The following SLC41A2 variants were observed in gnomAD, a reference collection of about 807,000 sequenced individuals.
SLC41A2 encodes the protein SLC41A1-like 1.
In SLC41A2, 32 loss-of-function variants were observed where a neutral mutation model predicts 58.3. The ratio of observed to expected loss-of-function variants is 0.55; its 90% CI spans 0.41 to 0.74. The LOEUF is 0.74. Among genes scored for constraint, SLC41A2 ranks in the 30% least tolerant of loss-of-function variants. The pLI is 0.00. For synonymous variants in SLC41A2, 190 were observed against 235.0 expected (o/e 0.81, Z 1.75); for missense variants, 514 against 680.6 (o/e 0.76, Z 2.72).
intron 10 of SLC41A2, among the ~76,000 whole-genome samples, chr12:104,813,195 T>A (rs1388949120): frequency 1.3e-5 from 2 of 150,280 alleles, no homozygotes; most frequent in Non-Finnish European, 1.5e-5. Flanking sequence ...GAAAAAAAAA[T>A]AAAATAAAAA....
chr12:104,866,411 C>G (rs768588026), intron 7 of SLC41A2, 21 bp downstream of exon 7: 1 of 1,447,410 alleles, frequency 6.9e-7, no homozygotes, highest in Non-Finnish European at 9.3e-7. Context: ...CACACACACA[C>G]ACACATATTT....
At chr12:104,822,595 T>A (rs1288876141) in intron 10 of SLC41A2, among the ~76,000 whole-genome samples, 2 of 152,022 alleles carry the variant, frequency 1.3e-5, no homozygotes, top group African/African-American at 2.4e-5. Context: ...GAAACAAAAC[T>A]CAATAAACTG....
chr12:104,946,113 G>A (rs538635532), intron 1 of SLC41A2, among the ~76,000 whole-genome samples: 13 of 151,870 alleles, frequency 8.6e-5, no homozygotes, highest in Non-Finnish European at 1.9e-4. Context: ...AACATGCTTC[G>A]ACTGCATATT....
chr12:104,908,650 C>G (rs1008756966), intron 3 of SLC41A2, among the ~76,000 whole-genome samples: 1 of 152,188 alleles, frequency 6.6e-6, no homozygotes, highest in Non-Finnish European at 1.5e-5. Flanking sequence ...TCACTAGCTA[C>G]GTGGTTTTAA....
At chr12:104,905,201 C>A (rs1452024535) in intron 3 of SLC41A2, among the ~76,000 whole-genome samples, 1 of 152,160 alleles carries the variant, frequency 6.6e-6, no homozygotes, top group African/African-American at 2.4e-5. Flanking sequence ...GAGCTAAACA[C>A]AGGGTGCTGA....
intron 1 of SLC41A2, among the ~76,000 whole-genome samples, chr12:104,935,454 A>G (rs1342279711): frequency 1.3e-5 from 2 of 152,176 alleles, no homozygotes; most frequent in Non-Finnish European, 2.9e-5. Flanking sequence ...ATATCACATT[A>G]CATATCATAA....
intron 8 of SLC41A2, among the ~76,000 whole-genome samples, chr12:104,856,304 G>C (rs10507183): frequency 0.49 from 74,020 of 151,866 alleles, 18,887 homozygotes; most frequent in Middle Eastern, 0.57. Flanking sequence ...TGGTAGAATT[G>C]CAAAAAGGGT....
chr12:104,808,914 C>G (rs2041049331), intron 10 of SLC41A2, among the ~76,000 whole-genome samples: 1 of 151,998 alleles, frequency 6.6e-6, no homozygotes, highest in African/African-American at 2.4e-5. Flanking sequence ...TTTAAATTTT[C>G]AAACCCCTGA....
At chr12:104,866,745 A>T (rs1447426641) in intron 6 of SLC41A2, among the ~76,000 whole-genome samples, 166 bp from the exon 7 acceptor site, 1 of 152,166 alleles carries the variant, frequency 6.6e-6, no homozygotes, top group Non-Finnish European at 1.5e-5. Context: ...TAAATAAGGT[A>T]AAAATATTAA....
At chr12:104,921,467 A>G (rs911261898) in intron 2 of SLC41A2, among the ~76,000 whole-genome samples, 1 of 151,956 alleles carries the variant, frequency 6.6e-6, no homozygotes, top group African/African-American at 2.4e-5. Context: ...AAGAGGGTGA[A>G]ATAACATTTT....
chr12:104,953,123 A>C (rs2048019106), intron 1 of SLC41A2, among the ~76,000 whole-genome samples: 1 of 152,214 alleles, frequency 6.6e-6, no homozygotes, highest in Admixed American at 6.5e-5. Context: ...ACATTCCATA[A>C]ATATTTAACC....
At chr12:104,956,300 T>G (rs76955814) in intron 1 of SLC41A2, among the ~76,000 whole-genome samples, 1,893 of 152,304 alleles carry the variant, frequency 0.012, 51 homozygotes, top group African/African-American at 0.044. Flanking sequence ...ATCAGATTGG[T>G]TGGATTTTTT....
At chr12:104,920,084 C>T (rs987321532) in intron 2 of SLC41A2, among the ~76,000 whole-genome samples, 1 of 152,200 alleles carries the variant, frequency 6.6e-6, no homozygotes, top group African/African-American at 2.4e-5. Flanking sequence ...TTTGCCTCCA[C>T]TGAATTGCTT....
chr12:104,945,406 A>G (rs1461837308), intron 1 of SLC41A2, among the ~76,000 whole-genome samples: 1 of 151,546 alleles, frequency 6.6e-6, no homozygotes, highest in Non-Finnish European at 1.5e-5. Context: ...AGGCTGAGTC[A>G]GGAGAATGGC....
chr12:104,821,608 A>C (rs1488075996), intron 10 of SLC41A2, among the ~76,000 whole-genome samples: 1 of 152,248 alleles, frequency 6.6e-6, no homozygotes, highest in East Asian at 1.9e-4. Context: ...AAGTCGCTTA[A>C]GCATATATTC....
intron 10 of SLC41A2, among the ~76,000 whole-genome samples, chr12:104,827,887 T>C (rs2136268613): frequency 6.6e-6 from 1 of 152,226 alleles, no homozygotes; most frequent in African/African-American, 2.4e-5. Context: ...GGGAAGGGCA[T>C]GGTTCCTTTA....
At chr12:104,813,979 A>C (rs935588662) in intron 10 of SLC41A2, among the ~76,000 whole-genome samples, 24 of 152,330 alleles carry the variant, frequency 1.6e-4, no homozygotes, top group African/African-American at 4.1e-4. Flanking sequence ...AATGGACTAG[A>C]ATAGAAAGTA....
intron 10 of SLC41A2, among the ~76,000 whole-genome samples, chr12:104,835,315 A>G (rs2042171528): frequency 6.6e-6 from 1 of 152,198 alleles, no homozygotes; most frequent in Non-Finnish European, 1.5e-5. Flanking sequence ...TGGGAGTGGA[A>G]AATAGTTGAA....
chr12:104,872,349 T>C (rs1293673090), intron 6 of SLC41A2, among the ~76,000 whole-genome samples: 2 of 152,202 alleles, frequency 1.3e-5, no homozygotes, highest in Non-Finnish European at 2.9e-5. Flanking sequence ...TGTTTCACTC[T>C]TTTTTGGAGG....
Sources: gnomAD v4.1 joint callset for allele counts (sites outside exome capture counted in the v4.1 genomes callset) on GRCh38, gnomAD v4.1.1 for gene constraint, MANE v1.5 for transcripts, NCBI Gene and HGNC (gene_info 2026-07-23, HGNC 2026-07-21) for gene names.